EDIL3: variants seen among roughly 807,000 people sequenced by gnomAD.
EDIL3 encodes EGF like and discoidin domains 3.
Under a neutral mutation model 67.4 loss-of-function variants are expected in EDIL3, and 37 were observed. The ratio of observed to expected loss-of-function variants is 0.55; its 90% CI spans 0.42 to 0.72. EDIL3 has a LOEUF of 0.72. EDIL3 is among the 30% of genes least tolerant of loss of function. The pLI is 0.00. For synonymous variants in EDIL3, 195 were observed against 196.3 expected (o/e 0.99, Z 0.05); for missense variants, 527 against 586.3 (o/e 0.90, Z 1.04).
Position 84,031,236 on chromosome 5 carries a change from C to T in EDIL3, c.1137+29064G>A, listed in dbSNP as rs111300835. Among the ~76,000 whole-genome samples the T allele has an allele frequency of 5.0e-3, 768 of 152,180 alleles. 5 individuals are homozygous for T. The highest frequency in any genetic ancestry group is 0.016 in the African/African-American group (647 of 41,528). On this transcript the variant is annotated intron_variant, in intron 9 of 10. Coordinates refer to ENST00000296591, the MANE Select transcript of EDIL3 (RefSeq NM_005711.5). ...GGACTTAAATATATAAATTTTGGGGCGACACAATTCAGCCCATAACAGTAA... is the reference window on the plus strand; with the variant it reads ...GGACTTAAATATATAAATTTTGGGGTGACACAATTCAGCCCATAACAGTAA...
At chr5:83,984,951 C>CCACA (rs6149090) in intron 9 of EDIL3, among the ~76,000 whole-genome samples, 9 of 149,858 alleles carry the variant, frequency 6.0e-5, no homozygotes, top group African/African-American at 2.2e-4. Context: ...CAAACATACA[C>CCACA]CACACACACA....
At chr5:83,997,288 A>G (rs1206170522) in intron 9 of EDIL3, among the ~76,000 whole-genome samples, 1 of 152,222 alleles carries the variant, frequency 6.6e-6, no homozygotes, top group Non-Finnish European at 1.5e-5. Context: ...CAGGAAGAAC[A>G]TGCAGTAGTT....
intron 1 of EDIL3, among the ~76,000 whole-genome samples, chr5:84,302,506 G>A (rs1267259408): frequency 1.3e-5 from 2 of 152,002 alleles, no homozygotes; most frequent in Admixed American, 6.6e-5. Context: ...CTGTGTTAGC[G>A]AGGATGGTCT....
At chr5:84,323,906 AAT>A (rs1746698106) in intron 1 of EDIL3, among the ~76,000 whole-genome samples, 1 of 151,948 alleles carries the variant, frequency 6.6e-6, no homozygotes. Flanking sequence ...AGACCATCAA[AAT>A]ATATAAAGCA....
intron 1 of EDIL3, among the ~76,000 whole-genome samples, chr5:84,311,869 G>GT (rs1473692500): frequency 6.6e-6 from 1 of 152,156 alleles, no homozygotes; most frequent in African/African-American, 2.4e-5. Flanking sequence ...AGAGCACAGG[G>GT]TTGGGGGTAG....
intron 3 of EDIL3, among the ~76,000 whole-genome samples, chr5:84,193,386 G>T (rs1743631396): frequency 6.6e-6 from 1 of 151,834 alleles, no homozygotes; most frequent in Non-Finnish European, 1.5e-5. Context: ...ATGAATATTG[G>T]TGCCATTCAC....
intron 4 of EDIL3, among the ~76,000 whole-genome samples, chr5:84,139,177 C>T (rs917025648): frequency 3.3e-5 from 5 of 151,632 alleles, no homozygotes; most frequent in Admixed American, 6.6e-5. Flanking sequence ...GCTGAGGTTG[C>T]AGTGAGCCAA....
intron 6 of EDIL3, among the ~76,000 whole-genome samples, chr5:84,095,773 A>G (rs1388316755): frequency 6.6e-6 from 1 of 152,176 alleles, no homozygotes; most frequent in Non-Finnish European, 1.5e-5. Context: ...AGCTGCAGAA[A>G]TTTGCATAAG....
chr5:84,332,625 A>C (rs549884249), intron 1 of EDIL3, among the ~76,000 whole-genome samples: 2 of 152,282 alleles, frequency 1.3e-5, no homozygotes, highest in Non-Finnish European at 2.9e-5. Context: ...AGGAGGGCCC[A>C]GGGCAAGTCT....
intron 9 of EDIL3, among the ~76,000 whole-genome samples, chr5:83,989,446 G>A (rs747192104): frequency 6.6e-6 from 1 of 152,120 alleles, no homozygotes; most frequent in Non-Finnish European, 1.5e-5. Flanking sequence ...TGTGATTTTC[G>A]CTTTGCTGGT....
At chr5:84,294,111 C>T (rs557213462) in intron 1 of EDIL3, among the ~76,000 whole-genome samples, 184 of 151,148 alleles carry the variant, frequency 1.2e-3, no homozygotes, top group African/African-American at 4.1e-3. Flanking sequence ...CGGCCGGGTG[C>T]GGTGGCTCAC....
At chr5:84,209,816 G>A (rs958102179) in intron 3 of EDIL3, among the ~76,000 whole-genome samples, 2 of 152,016 alleles carry the variant, frequency 1.3e-5, no homozygotes, top group African/African-American at 4.8e-5. Context: ...CTGTAAAAAT[G>A]TTTTCTTGAC....
rs77763437 is a variant in EDIL3 at position 84,124,217 on chromosome 5, C to T, written c.469+13024G>A. Among the ~76,000 whole-genome samples, 61 of 151,870 alleles carry T rather than the reference C, an allele frequency of 4.0e-4. No individual in the cohort carries two copies. In the East Asian group the frequency reaches 7.3e-3, roughly 18 times the overall value. ...TCTATTTTACCGACAAATTTTAGAT[C>T]GGAAAAGGGATTTGGCCAACCAGAC... On this transcript the variant is annotated intron_variant, in intron 5 of 10. Coordinates refer to ENST00000296591, the MANE Select transcript of EDIL3 (RefSeq NM_005711.5).
chr5:84,037,072 G>T (rs1746035113), intron 9 of EDIL3, among the ~76,000 whole-genome samples: 1 of 152,108 alleles, frequency 6.6e-6, no homozygotes, highest in South Asian at 2.1e-4. Flanking sequence ...GAGACTGACT[G>T]AAAAGCATCC....
At chr5:84,341,880 T>C (rs565254811) in intron 1 of EDIL3, among the ~76,000 whole-genome samples, 35 of 152,208 alleles carry the variant, frequency 2.3e-4, no homozygotes, top group Non-Finnish European at 4.4e-4. Context: ...GCAAGTATTA[T>C]AGTTTATTTT....
intron 9 of EDIL3, among the ~76,000 whole-genome samples, chr5:84,026,463 T>G (rs1300974117): frequency 3.9e-5 from 6 of 152,174 alleles, no homozygotes; most frequent in Non-Finnish European, 4.4e-5. Context: ...GAGATTCAGT[T>G]CAGTCATCAT....
chr5:84,043,253 A>C (rs568334834), intron 9 of EDIL3, among the ~76,000 whole-genome samples: 175 of 152,346 alleles, frequency 1.1e-3, no homozygotes, highest in African/African-American at 3.9e-3. Context: ...TGGTCCATGC[A>C]TATGACTCAT....
At chr5:84,318,545 A>C (rs1383434298) in intron 1 of EDIL3, among the ~76,000 whole-genome samples, 1 of 152,234 alleles carries the variant, frequency 6.6e-6, no homozygotes, top group African/African-American at 2.4e-5. Context: ...TGACAAAAAC[A>C]AGAAATGCAG....
chr5:84,297,290 CA>C (rs1320267861), intron 1 of EDIL3, among the ~76,000 whole-genome samples: 1 of 151,402 alleles, frequency 6.6e-6, no homozygotes, highest in Admixed American at 6.6e-5. Flanking sequence ...AGCTTAACAT[CA>C]CTGATCATCA....
Sources: allele counts gnomAD v4.1 joint callset (sites outside exome capture counted in the v4.1 genomes callset), GRCh38; gene constraint gnomAD v4.1.1; transcripts MANE v1.5; gene names NCBI Gene and HGNC (gene_info 2026-07-23, HGNC 2026-07-21).